The following LRP1B variants were observed in gnomAD, a reference collection of about 807,000 sequenced individuals.
LRP1B encodes LDL receptor related protein 1B.
LRP1B carries 217 observed loss-of-function variants against 556.6 expected under a neutral mutation model. That is an observed-to-expected ratio of 0.39 (90% CI 0.35 to 0.44). LRP1B has a LOEUF of 0.44. Among genes scored for constraint, LRP1B ranks in the 20% least tolerant of loss-of-function variants. The pLI is 1.00. For missense variants in LRP1B, 5,053 were observed against 5,620.8 expected (o/e 0.90, Z 3.23); for synonymous variants, 2,047 against 1,865.8 (o/e 1.10, Z -2.50).
At chr2:141,069,150 T>C (rs1333981866) in intron 7 of LRP1B, among the ~76,000 whole-genome samples, 1 of 151,982 alleles carries the variant, frequency 6.6e-6, no homozygotes, top group Non-Finnish European at 1.5e-5. Flanking sequence ...CAAGTACAAA[T>C]GCAGTCCATC....
At chr2:140,956,234 C>T (rs1312058093) in intron 18 of LRP1B, among the ~76,000 whole-genome samples, 1 of 151,664 alleles carries the variant, frequency 6.6e-6, no homozygotes, top group Non-Finnish European at 1.5e-5. Flanking sequence ...CAGAAGAAAA[C>T]AGTATATCCT....
chr2:140,583,162 C>CTTT lies in LRP1B; in HGVS notation c.7194+15466_7194+15468dup, dbSNP rs1220644581. ...TGAAAGTTTCTATTGACAGTTTCTC[C>CTTT]TTTTTTTTCTTTTTTTTTTTTTTTT... On this transcript the variant is annotated intron_variant, in intron 43 of 90. Transcript: ENST00000389484. Among the ~76,000 whole-genome samples the CTTT allele has an allele frequency of 3.4e-3, 364 of 107,724 alleles. 19 individuals are homozygous for CTTT. Among genetic ancestry groups the CTTT allele is most frequent in the African/African-American group, 0.011 (278 of 24,630 alleles). The allele number at this position is 107,724 out of a possible 152,430, so 70.7% of individuals were successfully genotyped here. A position where few individuals can be genotyped will look rare whatever the true frequency, so the allele number is the denominator to read the frequency against.
At chr2:140,921,932 T>C (rs1333452069) in intron 21 of LRP1B, among the ~76,000 whole-genome samples, 1 of 152,034 alleles carries the variant, frequency 6.6e-6, no homozygotes, top group Non-Finnish European at 1.5e-5. Context: ...TTATTTGTAC[T>C]TTTTGTTAGA....
chr2:141,476,452 C>T (rs970864178), intron 3 of LRP1B, among the ~76,000 whole-genome samples: 1 of 151,990 alleles, frequency 6.6e-6, no homozygotes, highest in African/African-American at 2.4e-5. Flanking sequence ...ATATTACCAC[C>T]AATATGAAGT....
At chr2:141,538,833 T>C (rs1685151269) in intron 2 of LRP1B, among the ~76,000 whole-genome samples, 1 of 152,110 alleles carries the variant, frequency 6.6e-6, no homozygotes, top group Non-Finnish European at 1.5e-5. Flanking sequence ...CAGACAAGGT[T>C]TCCTCATGTT....
At chr2:141,836,971 G>A (rs1697302760) in intron 1 of LRP1B, among the ~76,000 whole-genome samples, 1 of 151,858 alleles carries the variant, frequency 6.6e-6, no homozygotes, top group Non-Finnish European at 1.5e-5. Context: ...AAGTTTATAT[G>A]TGTAAATACA....
At chr2:141,492,290 G>A (rs1317142447) in intron 2 of LRP1B, among the ~76,000 whole-genome samples, 1 of 151,824 alleles carries the variant, frequency 6.6e-6, no homozygotes, top group Non-Finnish European at 1.5e-5. Flanking sequence ...ACAAAAACTG[G>A]AAAACAAGCA....
intron 41 of LRP1B, among the ~76,000 whole-genome samples, chr2:140,656,955 A>G (rs1684900424): frequency 6.6e-6 from 1 of 152,148 alleles, no homozygotes. Context: ...AAGACAATGA[A>G]TTTCATCAAT....
At chr2:140,538,387 C>A (rs1415746577) in intron 45 of LRP1B, among the ~76,000 whole-genome samples, 1 of 152,088 alleles carries the variant, frequency 6.6e-6, no homozygotes, top group Non-Finnish European at 1.5e-5. Context: ...TCTCTCCCCA[C>A]TCTAACAGAT....
intron 2 of LRP1B, among the ~76,000 whole-genome samples, chr2:141,809,782 T>G (rs991234433): frequency 9.2e-5 from 14 of 152,054 alleles, no homozygotes; most frequent in Non-Finnish European, 2.1e-4. Context: ...TTCAATTATT[T>G]GTGTACTGCC....
intron 35 of LRP1B, among the ~76,000 whole-genome samples, chr2:140,718,968 T>C (rs79355094): frequency 0.046 from 6,971 of 152,226 alleles, 232 homozygotes; most frequent in Admixed American, 0.096. Flanking sequence ...ATTATTCTTT[T>C]ACCATGCTCT....
intron 2 of LRP1B, among the ~76,000 whole-genome samples, chr2:141,764,303 T>C (rs2118273): frequency 0.96 from 146,464 of 152,058 alleles, 70,794 homozygotes; most frequent in East Asian, 1. Context: ...GCCTCAGCCT[T>C]CCAAGTAGCT....
intron 66 of LRP1B, among the ~76,000 whole-genome samples, chr2:140,407,813 C>G (rs928412811): frequency 6.6e-6 from 1 of 151,972 alleles, no homozygotes; most frequent in African/African-American, 2.4e-5. Context: ...TTTGAGCCAG[C>G]AGTCCTACTA....
chr2:140,619,104 CACACACACACAA>C (rs1433262500), intron 41 of LRP1B, among the ~76,000 whole-genome samples: 1 of 123,400 alleles, frequency 8.1e-6, no homozygotes, highest in African/African-American at 3.1e-5. Flanking sequence ...CACACACACA[CACACACACACAA>C]CTCTGACTCA....
chr2:141,117,053 A>G (rs2104984852), intron 7 of LRP1B, among the ~76,000 whole-genome samples: 1 of 152,104 alleles, frequency 6.6e-6, no homozygotes, highest in South Asian at 2.1e-4. Context: ...TTTTTTCTAG[A>G]TGTATTAATA....
intron 86 of LRP1B, among the ~76,000 whole-genome samples, chr2:140,260,648 C>G (rs1681893065): frequency 6.6e-6 from 1 of 151,520 alleles, no homozygotes; most frequent in Non-Finnish European, 1.5e-5. Context: ...TTATTTGTTT[C>G]TGGGATGAAA....
intron 7 of LRP1B, among the ~76,000 whole-genome samples, chr2:141,157,046 C>T (rs913003444): frequency 1.3e-5 from 2 of 151,936 alleles, no homozygotes; most frequent in Non-Finnish European, 2.9e-5. Context: ...TATCAAACTT[C>T]ATTGGATAGG....
At chr2:141,714,664 G>A (rs577046703) in intron 2 of LRP1B, among the ~76,000 whole-genome samples, 2 of 152,052 alleles carry the variant, frequency 1.3e-5, no homozygotes, top group Admixed American at 1.3e-4. Context: ...TGTTAGAAAC[G>A]CATGACCTGG....
intron 17 of LRP1B, among the ~76,000 whole-genome samples, chr2:140,988,729 T>C (rs570768042): frequency 1.4e-4 from 22 of 152,258 alleles, no homozygotes; most frequent in African/African-American, 4.6e-4. Flanking sequence ...GTAAGGCTTA[T>C]TTTGGCAAAG....
Sources: allele counts gnomAD v4.1 joint callset (sites outside exome capture counted in the v4.1 genomes callset), GRCh38; gene constraint gnomAD v4.1.1; transcripts MANE v1.5; gene names NCBI Gene and HGNC (gene_info 2026-07-23, HGNC 2026-07-21).